The following THSD4 variants were observed in gnomAD, a reference collection of about 807,000 sequenced individuals.
The protein encoded by THSD4 is thrombospondin type 1 domain containing 4.
THSD4 carries 69 observed loss-of-function variants against 119.0 expected under a neutral mutation model. That is an observed-to-expected ratio of 0.58 (90% CI 0.48 to 0.71). The LOEUF (loss-of-function observed/expected upper bound fraction) is 0.71. THSD4 is among the 30% of genes least tolerant of loss of function. THSD4 has a pLI of 0.00. For synonymous variants in THSD4, 524 were observed against 540.4 expected (o/e 0.97, Z 0.42); for missense variants, 1,393 against 1,391.1 (o/e 1.00, Z -0.02).
intron 7 of THSD4, among the ~76,000 whole-genome samples, chr15:71,655,269 C>T (rs9635374): frequency 0.26 from 39,508 of 151,912 alleles, 5,915 homozygotes; most frequent in East Asian, 0.69. Flanking sequence ...CGACAGGTAC[C>T]GTTTGAGCAG....
At chr15:71,584,899 A>G (rs2049635158) in intron 7 of THSD4, among the ~76,000 whole-genome samples, 1 of 152,176 alleles carries the variant, frequency 6.6e-6, no homozygotes, top group African/African-American at 2.4e-5. Flanking sequence ...TGAGGCTTAC[A>G]TAAAACATCT....
At chr15:71,612,688 T>C (rs370864249) in intron 7 of THSD4, among the ~76,000 whole-genome samples, 24 of 152,324 alleles carry the variant, frequency 1.6e-4, no homozygotes, top group Middle Eastern at 3.4e-3. Context: ...GCCTTCTGAA[T>C]TTGACAACTC....
At chr15:71,239,841 C>G (rs1031423008) in intron 4 of THSD4, among the ~76,000 whole-genome samples, 3 of 152,216 alleles carry the variant, frequency 2.0e-5, no homozygotes, top group African/African-American at 7.2e-5. Flanking sequence ...TCAGACCCGT[C>G]AGGATTATTA....
At chr15:71,635,507 A>G (rs1567074413) in intron 7 of THSD4, among the ~76,000 whole-genome samples, 3 of 152,228 alleles carry the variant, frequency 2.0e-5, no homozygotes, top group Admixed American at 1.3e-4. Context: ...GGACCAATTT[A>G]CAGTAGTGAC....
intron 6 of THSD4, among the ~76,000 whole-genome samples, chr15:71,286,874 G>A (rs891729777): frequency 2.0e-5 from 3 of 152,024 alleles, no homozygotes; most frequent in Non-Finnish European, 2.9e-5. Context: ...GTCTCATTGT[G>A]GCTTTGATTT....
intron 7 of THSD4, among the ~76,000 whole-genome samples, chr15:71,575,473 A>T (rs2049432122): frequency 6.6e-6 from 1 of 152,224 alleles, no homozygotes; most frequent in Non-Finnish European, 1.5e-5. Context: ...TAGGTGATAA[A>T]TAAAATCACT....
At chr15:71,556,056 A>G (rs1333757274) in intron 7 of THSD4, among the ~76,000 whole-genome samples, 1 of 152,192 alleles carries the variant, frequency 6.6e-6, no homozygotes, top group Non-Finnish European at 1.5e-5. Flanking sequence ...CTATGGCCTT[A>G]TAATAATCTG....
At chr15:71,248,626 TGACTCTCCA>T (rs2044228055) in intron 5 of THSD4, among the ~76,000 whole-genome samples, 2 of 152,188 alleles carry the variant, frequency 1.3e-5, no homozygotes, top group Non-Finnish European at 2.9e-5. Flanking sequence ...CTGGTATCAA[TGACTCTCCA>T]GTGAATTTCC....
At chr15:71,573,546 A>G (rs761751292) in intron 7 of THSD4, among the ~76,000 whole-genome samples, 22 of 152,212 alleles carry the variant, frequency 1.4e-4, no homozygotes, top group African/African-American at 2.4e-4. Context: ...GTTCTATTCA[A>G]TAGTTCCCTT....
chr15:71,141,425 A>C, intron 1 of THSD4, 24 bp from the exon 2 acceptor site: 1 of 1,253,496 alleles, frequency 8.0e-7, no homozygotes, highest in Non-Finnish European at 1.1e-6. Flanking sequence ...ATGTTGCTAA[A>C]AATAACATTG....
At chr15:71,468,233 C>T (rs770873812) in intron 7 of THSD4, among the ~76,000 whole-genome samples, 65 of 152,304 alleles carry the variant, frequency 4.3e-4, no homozygotes, top group Non-Finnish European at 7.5e-4. Flanking sequence ...GCTTCCCCTT[C>T]GCCTTCCACC....
At chr15:71,661,618 ACTC>A (rs2051310513) in intron 8 of THSD4, among the ~76,000 whole-genome samples, 2 of 151,506 alleles carry the variant, frequency 1.3e-5, no homozygotes, top group African/African-American at 4.9e-5. Context: ...CTGGTCTTGA[ACTC>A]CTGGCCTCAA....
chr15:71,249,467 C>G (rs954413407), intron 5 of THSD4, among the ~76,000 whole-genome samples: 2 of 146,910 alleles, frequency 1.4e-5, no homozygotes, highest in African/African-American at 5.1e-5. Context: ...TAACAGTTGT[C>G]ATTTTTCATG....
At chr15:71,233,111 A>G (rs2044074601) in intron 4 of THSD4, among the ~76,000 whole-genome samples, 1 of 152,206 alleles carries the variant, frequency 6.6e-6, no homozygotes, top group Non-Finnish European at 1.5e-5. Context: ...CTGATCTAAA[A>G]TCTTTCTGGG....
At chr15:71,516,604 T>C (rs1222396127) in intron 7 of THSD4, among the ~76,000 whole-genome samples, 1 of 152,232 alleles carries the variant, frequency 6.6e-6, no homozygotes, top group African/African-American at 2.4e-5. Context: ...ATTTTCAACT[T>C]TTATTTTAGT....
intron 8 of THSD4, among the ~76,000 whole-genome samples, chr15:71,670,119 A>G (rs1362322507): frequency 2.6e-5 from 4 of 152,092 alleles, no homozygotes; most frequent in Non-Finnish European, 5.9e-5. Context: ...TCTAGGGTAC[A>G]TGTGCACAGT....
intron 3 of THSD4, among the ~76,000 whole-genome samples, chr15:71,159,955 T>C (rs913017936): frequency 6.6e-6 from 1 of 152,150 alleles, no homozygotes; most frequent in Non-Finnish European, 1.5e-5. Flanking sequence ...AGCTGTGACT[T>C]TGTCATATAC....
intron 5 of THSD4, among the ~76,000 whole-genome samples, chr15:71,244,511 C>G (rs2044182533): frequency 6.6e-6 from 1 of 152,114 alleles, no homozygotes; most frequent in Non-Finnish European, 1.5e-5. Context: ...TGCTTTTTAG[C>G]TTATTCTTCC....
intron 8 of THSD4, among the ~76,000 whole-genome samples, chr15:71,724,291 T>A (rs867392049): frequency 1.7e-4 from 6 of 34,496 alleles, no homozygotes; most frequent in Admixed American, 5.5e-4. Context: ...ATATATATTT[T>A]TTTTTTCCCC....
Sources: gnomAD v4.1 joint callset for allele counts (sites outside exome capture counted in the v4.1 genomes callset) on GRCh38, gnomAD v4.1.1 for gene constraint, MANE v1.5 for transcripts, NCBI Gene and HGNC (gene_info 2026-07-23, HGNC 2026-07-21) for gene names.